Variants in HDDC2 observed in about 807,000 individuals in gnomAD.
The protein encoded by HDDC2 is 5'-deoxynucleotidase HDDC2.
In HDDC2, 25 loss-of-function variants were observed where a neutral mutation model predicts 25.5. That is an observed-to-expected ratio of 0.98 (90% CI 0.72 to 1.37). The LOEUF (loss-of-function observed/expected upper bound fraction) is 1.37. Ranked by LOEUF, HDDC2 falls within the 40% of genes most tolerant of loss-of-function variation. The pLI is 0.00. For synonymous variants in HDDC2, 106 were observed against 89.7 expected (o/e 1.18, Z -1.03); for missense variants, 264 against 253.1 (o/e 1.04, Z -0.29).
At chr6:125,288,347 G>A (rs915864580) in intron 4 of HDDC2, among the ~76,000 whole-genome samples, 3 of 152,250 alleles carry the variant, frequency 2.0e-5, no homozygotes, top group East Asian at 1.9e-4. Context: ...AGGCTCTGCA[G>A]AGCCTGGTGG....
At chr6:125,292,963 A>T in intron 3 of HDDC2, 54 bp from the exon 4 acceptor site, 1 of 1,355,480 alleles carries the variant, frequency 7.4e-7, no homozygotes, top group Non-Finnish European at 1.1e-6. Flanking sequence ...ACAGTTAACA[A>T]CCACTCTGCA....
chr6:125,276,939 C>T (rs1798378691), intron 5 of HDDC2, 163 bp downstream of exon 5: 1 of 664,470 alleles, frequency 1.5e-6, no homozygotes, highest in Admixed American at 2.8e-5. Context: ...TATTTCCTAT[C>T]CTCAGCCTCT....
At chr6:125,290,077 A>T (rs1349348165) in intron 4 of HDDC2, among the ~76,000 whole-genome samples, 1 of 152,160 alleles carries the variant, frequency 6.6e-6, no homozygotes, top group Non-Finnish European at 1.5e-5. Flanking sequence ...AAAGTGATAA[A>T]TAGTTGTAAT....
chr6:125,298,769 C>G lies in HDDC2; in HGVS notation c.254G>C (p.Gly85Ala). Residue 85 changes from glycine (G) to alanine (A), a missense_variant, in exon 3 of 6, where the codon GGG becomes GCG. Gly to Ala is a moderately conservative substitution (Grantham distance 60). Transcript: ENST00000398153. ...GATGTTATCTGCTGGTGCTATGTCC[C>G]CAACGATGCATTCTGCCATATCATG... ...LVHDMAECIV[G>A]DIAPADNIPK... The G allele has an allele frequency of 2.5e-6, 4 of 1,614,114 alleles. No homozygotes were observed. The highest frequency in any genetic ancestry group is 3.4e-6 in the Non-Finnish European group (4 of 1,180,028).
At chr6:125,280,976 T>C (rs1258573763) in intron 4 of HDDC2, among the ~76,000 whole-genome samples, 2 of 152,052 alleles carry the variant, frequency 1.3e-5, no homozygotes, top group South Asian at 2.1e-4. Flanking sequence ...ATCTAGGGGG[T>C]GCCCCTCTGG....
rs781034303 is a variant in HDDC2 at position 125,292,861 on chromosome 6, C to T, written c.358G>A (p.Glu120Lys). The T allele has an allele frequency of 4.3e-6, 7 of 1,613,046 alleles. No homozygotes were observed. The Admixed American group carries it at 1.2e-4, about 27-fold the overall frequency. Residue 120 changes from glutamate to lysine, a missense_variant, in exon 4 of 6, where the codon GAG (glutamate) becomes AAG (lysine). Coordinates refer to ENST00000398153, the MANE Select transcript of HDDC2 (RefSeq NM_016063.3). ...CTTACTTCCCAAAGTTCATAGAGCTCCTTTCTGAGGTCCTCTGGTAGGAGC... is the reference window on the plus strand; with the variant it reads ...CTTACTTCCCAAAGTTCATAGAGCTTCTTTCTGAGGTCCTCTGGTAGGAGC... Reference protein sequence around the residue: ...TQLLPEDLRKELYELWEEYET... With the variant: ...TQLLPEDLRKKLYELWEEYET...
chr6:125,293,069 G>A, intron 3 of HDDC2, 160 bp from the exon 4 acceptor site: 1 of 704,422 alleles, frequency 1.4e-6, no homozygotes, highest in Non-Finnish European at 2.6e-6. Flanking sequence ...TGTGAGGAAG[G>A]CAGGCAGTTG....
chr6:125,288,051 G>A (rs1394772763), intron 4 of HDDC2, among the ~76,000 whole-genome samples: 6 of 152,212 alleles, frequency 3.9e-5, no homozygotes, highest in Non-Finnish European at 7.3e-5. Context: ...CCTGTTTAGT[G>A]CTGAAGAGAA....
At chr6:125,284,064 G>C (rs1220176836) in intron 4 of HDDC2, among the ~76,000 whole-genome samples, 1 of 152,146 alleles carries the variant, frequency 6.6e-6, no homozygotes, top group African/African-American at 2.4e-5. Context: ...AACAAGAAAT[G>C]GGGAAAGGAT....
At position 125,293,781 on chromosome 6, in the gene HDDC2, T is replaced by C. The variant is rs954690613; in HGVS notation, c.310-872A>G. ...TGGGCTGGACTATCTGTGGCCACAG[T>C]GACTGGTCTAAGAGATAATCTTATA... On this transcript the variant is annotated intron_variant, in intron 3 of 5. Coordinates refer to ENST00000398153, the MANE Select transcript of HDDC2 (RefSeq NM_016063.3). Among the ~76,000 whole-genome samples the C allele has an allele frequency of 9.2e-5, 14 of 152,252 alleles. No individual in the cohort carries two copies. In the East Asian group the frequency reaches 1.5e-3, roughly 17 times the overall value.
chr6:125,279,848 A>G (rs974732865), intron 4 of HDDC2, among the ~76,000 whole-genome samples: 2 of 152,228 alleles, frequency 1.3e-5, no homozygotes, highest in African/African-American at 4.8e-5. Context: ...TCAAAAAGAC[A>G]TATCAAAAAG....
At chr6:125,292,649 A>C (rs1352045448) in intron 4 of HDDC2, among the ~76,000 whole-genome samples, 192 bp downstream of exon 4, 1 of 152,106 alleles carries the variant, frequency 6.6e-6, no homozygotes, top group Non-Finnish European at 1.5e-5. Context: ...GGAAATGGGG[A>C]ACTTGGAGAG....
At chr6:125,285,087 T>C (rs1798510846) in intron 4 of HDDC2, among the ~76,000 whole-genome samples, 1 of 148,838 alleles carries the variant, frequency 6.7e-6, no homozygotes, top group Admixed American at 6.7e-5. Flanking sequence ...CACCATATGT[T>C]CTCACTCATA....
chr6:125,276,046 T>C lies in HDDC2; in HGVS notation c.*100A>G. ...TTCAGACAATTGAAAACAAACAGAC[T>C]CACATCTAGGGAAATCAACAGACCA... is the stretch of plus-strand genomic sequence containing the variant. On this transcript the variant is annotated 3_prime_UTR_variant, in exon 6 of 6. Coordinates refer to ENST00000398153, the MANE Select transcript of HDDC2 (RefSeq NM_016063.3). 1 of 849,246 alleles carries C rather than the reference T, an allele frequency of 1.2e-6. No individual in the cohort carries two copies. Among genetic ancestry groups the C allele is most frequent in the South Asian group, 1.5e-5 (1 of 66,232 alleles). 52.6% of individuals were successfully genotyped at this position (849,246 alleles called of 1,614,324 possible). A position where few individuals can be genotyped will look rare whatever the true frequency, so the allele number is the denominator to read the frequency against.
At chr6:125,279,432 A>G (rs541301047) in intron 4 of HDDC2, 3 of 152,308 alleles carry the variant, frequency 2.0e-5, no homozygotes, top group Admixed American at 6.5e-5. Flanking sequence ...GACATCTCTA[A>G]AAGAAAGCCA....
intron 5 of HDDC2, 120 bp from the exon 6 acceptor site, chr6:125,276,363 A>C: frequency 1.4e-6 from 1 of 714,328 alleles, no homozygotes; most frequent in Non-Finnish European, 2.4e-6. Context: ...CCCACACTTC[A>C]TTCCAAAGCA....
chr6:125,300,249 G>T, intron 2 of HDDC2: 1 of 350,574 alleles, frequency 2.9e-6, no homozygotes, highest in Non-Finnish European at 5.2e-6. Context: ...CTAATACAAT[G>T]CTAGAATTTT....
In HDDC2 at chr6:125,276,128, A is replaced by G. The variant is rs1173841002; in HGVS notation, c.*18T>C. 4.5e-6 allele frequency: 7 copies of G among 1,540,336 alleles called. No homozygotes were observed. The highest frequency in any genetic ancestry group is 2.7e-5 in the African/African-American group (2 of 73,642). ...AAAATAATGTTTGTTACAGGAGTGC[A>G]GCAATTTAGAGAGTGTCTCAGGAGT... On this transcript the variant is annotated 3_prime_UTR_variant, in exon 6 of 6. Transcript: ENST00000398153.
chr6:125,301,698 C>T, intron 1 of HDDC2, 151 bp downstream of exon 1: 1 of 563,814 alleles, frequency 1.8e-6, no homozygotes, highest in South Asian at 2.4e-5. Context: ...CGCGCGGCCG[C>T]ATCCGCAGGA....
Sources: allele counts gnomAD v4.1 joint callset (sites outside exome capture counted in the v4.1 genomes callset), GRCh38; gene constraint gnomAD v4.1.1; transcripts MANE v1.5; gene names NCBI Gene and HGNC (gene_info 2026-07-23, HGNC 2026-07-21).